TAFA5: variants seen among roughly 807,000 people sequenced by gnomAD.
TAFA5 encodes chemokine-like protein TAFA-5.
In TAFA5, 6 loss-of-function variants were observed where a neutral mutation model predicts 15.3. That is an observed-to-expected ratio of 0.39 (90% CI 0.21 to 0.77). The LOEUF (loss-of-function observed/expected upper bound fraction) is 0.77. Ranked by LOEUF, TAFA5 falls within the 30% of genes least tolerant of loss-of-function variation. The pLI is 0.41. For missense variants in TAFA5, 161 were observed against 193.1 expected, an observed-to-expected ratio of 0.83 and a Z score of 0.98; for synonymous variants, 103 against 80.7, an observed-to-expected ratio of 1.28 and a Z score of -1.48.
At chr22:48,749,216 C>T (rs1930411661) in intron 3 of TAFA5, among the ~76,000 whole-genome samples, 1 of 152,172 alleles carries the variant, frequency 6.6e-6, no homozygotes, top group South Asian at 2.1e-4. Flanking sequence ...TCAGATCCTC[C>T]AGCAGGAACA....
intron 1 of TAFA5, among the ~76,000 whole-genome samples, chr22:48,586,439 C>T (rs890274381): frequency 6.6e-6 from 1 of 152,202 alleles, no homozygotes; most frequent in Non-Finnish European, 1.5e-5. Flanking sequence ...CCTCGGTCTC[C>T]TCTTTGCAGG....
At position 48,642,088 on chromosome 22, in the gene TAFA5, G is replaced by C. The variant is rs535908311; in HGVS notation, c.113-4509G>C. Among the ~76,000 whole-genome samples the C allele has an allele frequency of 2.6e-3, 395 of 152,140 alleles. 1 individual carries two copies. The highest frequency in any genetic ancestry group is 9.2e-3 in the African/African-American group (381 of 41,512). On this transcript the variant is annotated intron_variant, in intron 1 of 3. Transcript: ENST00000402357. ...TGGAGGGGCCTGCACTTTTCTGAGGGGGGCAGCCTGGTGAAGGGGCCTGTG... is the reference window on the plus strand; with the variant it reads ...TGGAGGGGCCTGCACTTTTCTGAGGCGGGCAGCCTGGTGAAGGGGCCTGTG...
At chr22:48,681,068 G>A (rs1360301318) in intron 2 of TAFA5, among the ~76,000 whole-genome samples, 1 of 152,230 alleles carries the variant, frequency 6.6e-6, no homozygotes, top group African/African-American at 2.4e-5. Flanking sequence ...AGATTCAGTG[G>A]ATTGCTCAGA....
intron 2 of TAFA5, among the ~76,000 whole-genome samples, chr22:48,696,000 G>A (rs889630590): frequency 6.6e-6 from 1 of 152,166 alleles, no homozygotes; most frequent in African/African-American, 2.4e-5. Flanking sequence ...TTGGGACTTC[G>A]ATGAGCTGGG....
At chr22:48,611,266 G>A (rs557755423) in intron 1 of TAFA5, among the ~76,000 whole-genome samples, 29 of 152,324 alleles carry the variant, frequency 1.9e-4, no homozygotes, top group African/African-American at 6.3e-4. Context: ...CACAGCTAGC[G>A]GCAGACCGCG....
chr22:48,561,229 A>T (rs1344543547), intron 1 of TAFA5, among the ~76,000 whole-genome samples: 1 of 152,034 alleles, frequency 6.6e-6, no homozygotes, highest in Non-Finnish European at 1.5e-5. Flanking sequence ...CTTTGCTGGT[A>T]CCTCTATCAC....
At chr22:48,707,566 CCA>C in intron 2 of TAFA5, 149 bp from the exon 3 acceptor site, 1 of 841,068 alleles carries the variant, frequency 1.2e-6, no homozygotes, top group South Asian at 1.8e-5. Context: ...GCCCCTGGGC[CCA>C]GTGTCCCTGT....
intron 1 of TAFA5, among the ~76,000 whole-genome samples, chr22:48,623,500 G>C (rs967290589): frequency 5.3e-5 from 8 of 152,206 alleles, no homozygotes; most frequent in African/African-American, 1.9e-4. Flanking sequence ...TTTGTGACGG[G>C]TGTCGGTATC....
chr22:48,534,600 A>G (rs1230631339), intron 1 of TAFA5, among the ~76,000 whole-genome samples: 1 of 152,170 alleles, frequency 6.6e-6, no homozygotes, highest in African/African-American at 2.4e-5. Flanking sequence ...CCCGGAGCCA[A>G]GCAGCTCCTC....
chr22:48,690,529 C>T (rs1039871717), intron 2 of TAFA5, among the ~76,000 whole-genome samples: 2 of 152,266 alleles, frequency 1.3e-5, no homozygotes, highest in African/African-American at 2.4e-5. Flanking sequence ...GATGACCAGC[C>T]CATCGCCAGG....
Position 48,586,875 on chromosome 22 carries a change from C to T in TAFA5, c.113-59722C>T, listed in dbSNP as rs553497448. Among the ~76,000 whole-genome samples the T allele has an allele frequency of 1.4e-4, 22 of 152,348 alleles. 1 individual carries two copies. The highest frequency in any genetic ancestry group is 4.1e-4 in the South Asian group (2 of 4,830). On this transcript the variant is annotated intron_variant, in intron 1 of 3. Coordinates refer to ENST00000402357, the MANE Select transcript of TAFA5 (RefSeq NM_001082967.3). ...GCAGGGAGGGAGGCCTGCCCCATGT[C>T]CCCTGGATGGCAGGATGGGCTCCCA... is the stretch of plus-strand genomic sequence containing the variant.
intron 2 of TAFA5, among the ~76,000 whole-genome samples, chr22:48,664,071 A>C (rs1356200670): frequency 1.3e-5 from 2 of 152,190 alleles, no homozygotes; most frequent in Non-Finnish European, 2.9e-5. Flanking sequence ...TTGCTGTTGC[A>C]CCCCAGACTG....
chr22:48,676,966 G>C (rs1927994191), intron 2 of TAFA5, among the ~76,000 whole-genome samples: 1 of 152,212 alleles, frequency 6.6e-6, no homozygotes, highest in Admixed American at 6.5e-5. Flanking sequence ...TGGGCTCCCA[G>C]GGGCAGCCCT....
intron 1 of TAFA5, among the ~76,000 whole-genome samples, chr22:48,640,965 C>T (rs1379743059): frequency 1.1e-5 from 1 of 94,212 alleles, no homozygotes; most frequent in African/African-American, 5.1e-5. Flanking sequence ...GTGGGGGCAC[C>T]GTGGCCCTTG....
chr22:48,540,969 G>T (rs1922349900), intron 1 of TAFA5, among the ~76,000 whole-genome samples: 1 of 152,084 alleles, frequency 6.6e-6, no homozygotes, highest in African/African-American at 2.4e-5. Context: ...TGGACGTGAG[G>T]CTCCAGACCT....
intron 1 of TAFA5, among the ~76,000 whole-genome samples, chr22:48,553,311 C>T (rs970102752): frequency 2.6e-5 from 4 of 152,196 alleles, no homozygotes; most frequent in Non-Finnish European, 4.4e-5. Context: ...TTCCTGTGCC[C>T]TCCATGTGCC....
intron 3 of TAFA5, among the ~76,000 whole-genome samples, chr22:48,728,123 A>C (rs2147265285): frequency 6.6e-6 from 1 of 152,368 alleles, no homozygotes; most frequent in South Asian, 2.1e-4. Context: ...TATACAAACA[A>C]GGCTGCTTCC....
chr22:48,501,184 G>A (rs1920949624), intron 1 of TAFA5, among the ~76,000 whole-genome samples: 1 of 152,194 alleles, frequency 6.6e-6, no homozygotes, highest in Non-Finnish European at 1.5e-5. Flanking sequence ...CACAAGACTG[G>A]CTCGTGCTCC....
intron 2 of TAFA5, among the ~76,000 whole-genome samples, chr22:48,652,160 G>A (rs909859978): frequency 6.6e-6 from 1 of 152,278 alleles, no homozygotes; most frequent in Non-Finnish European, 1.5e-5. Flanking sequence ...CTGAAGGCAT[G>A]TTGTGGCTGG....
Sources: allele counts gnomAD v4.1 joint callset (sites outside exome capture counted in the v4.1 genomes callset), GRCh38; gene constraint gnomAD v4.1.1; transcripts MANE v1.5; gene names NCBI Gene and HGNC (gene_info 2026-07-23, HGNC 2026-07-21).